ACTR3C: variants seen among roughly 807,000 people sequenced by gnomAD.
ACTR3C encodes the protein actin-related protein 3C.
A neutral mutation model predicts 26.3 loss-of-function variants in ACTR3C; 18 were observed. The ratio of observed to expected loss-of-function variants is 0.68; its 90% CI spans 0.47 to 1.01. The LOEUF (loss-of-function observed/expected upper bound fraction) is 1.01, where lower values mean the gene tolerates loss of function less well. Among genes scored for constraint, ACTR3C ranks in the 50% least tolerant of loss-of-function variants. The probability of loss-of-function intolerance (pLI) is 0.00; values close to 1 mark genes in which losing one functional copy is unlikely to be tolerated. For missense variants in ACTR3C, 184 were observed against 250.7 expected (o/e 0.73, Z 1.80); for synonymous variants, 55 against 94.5 (o/e 0.58, Z 2.42).
At chr7:149,893,808 G>C in the ACTR3C span, among the ~76,000 whole-genome samples, 1 of 152,178 alleles carries the variant, frequency 6.6e-6, no homozygotes, top group Non-Finnish European at 1.5e-5. Flanking sequence ...CTATACAAAT[G>C]TAAGTGCTAG....
intron 1 of ACTR3C, among the ~76,000 whole-genome samples, chr7:150,312,729 C>G (rs975565184): frequency 1.3e-5 from 2 of 152,148 alleles, no homozygotes; most frequent in Non-Finnish European, 2.9e-5. Context: ...TGAGAAACAT[C>G]GCCCCTACCC....
the ACTR3C span, among the ~76,000 whole-genome samples, chr7:150,162,879 C>A: frequency 6.6e-6 from 1 of 152,086 alleles, no homozygotes; most frequent in Admixed American, 6.6e-5. Flanking sequence ...GGGTGGGGCA[C>A]TGTGGCTCAT....
the ACTR3C span, among the ~76,000 whole-genome samples, chr7:150,143,803 C>A: frequency 4.6e-5 from 7 of 152,360 alleles, no homozygotes; most frequent in South Asian, 6.2e-4. Flanking sequence ...TTCATCCCCC[C>A]GCTTAGAGCT....
chr7:149,939,026 G>A, the ACTR3C span, among the ~76,000 whole-genome samples: 3 of 150,860 alleles, frequency 2.0e-5, no homozygotes, highest in Non-Finnish European at 4.4e-5. Context: ...TGTTGCCCAG[G>A]CTGGAGTGCA....
chr7:150,188,541 C>T, the ACTR3C span, among the ~76,000 whole-genome samples: 1 of 151,420 alleles, frequency 6.6e-6, no homozygotes, highest in Non-Finnish European at 1.5e-5. Context: ...AAACTGTTTT[C>T]CAAAGTAGCT....
chr7:150,260,557 T>C (rs1270667451), intron 6 of ACTR3C, among the ~76,000 whole-genome samples: 1 of 152,246 alleles, frequency 6.6e-6, no homozygotes, highest in Admixed American at 6.5e-5. Context: ...TTTCAATTAA[T>C]ATCAATCAAA....
the ACTR3C span, among the ~76,000 whole-genome samples, chr7:150,085,653 C>A: frequency 1.3e-5 from 2 of 152,090 alleles, no homozygotes. Context: ...ATTTAATGAA[C>A]TTCAAGTGCC....
At chr7:150,208,711 C>A in the ACTR3C span, among the ~76,000 whole-genome samples, 915 of 152,100 alleles carry the variant, frequency 6.0e-3, 35 homozygotes, top group Non-Finnish European at 1.5e-3. Flanking sequence ...TAGGAATATT[C>A]GAATATCCAG....
downstream of ACTR3C, among the ~76,000 whole-genome samples, chr7:150,240,886 A>G (rs1385503595): frequency 1.3e-5 from 2 of 152,350 alleles, no homozygotes; most frequent in East Asian, 1.9e-4. Context: ...CACAAAAATC[A>G]ATTTTTATCT....
At chr7:150,076,007 C>A in the ACTR3C span, among the ~76,000 whole-genome samples, 2 of 152,100 alleles carry the variant, frequency 1.3e-5, no homozygotes, top group East Asian at 1.9e-4. Context: ...AACATATGCA[C>A]GTTAAAGGGA....
At chr7:150,122,156 G>A in the ACTR3C span, among the ~76,000 whole-genome samples, 1 of 152,168 alleles carries the variant, frequency 6.6e-6, no homozygotes, top group African/African-American at 2.4e-5. Context: ...TACCATTCAT[G>A]ACATAGGCAT....
chr7:150,236,367 A>G, the ACTR3C span, among the ~76,000 whole-genome samples: 1 of 152,208 alleles, frequency 6.6e-6, no homozygotes, highest in Non-Finnish European at 1.5e-5. Flanking sequence ...GTTTCTGCCC[A>G]ACACTCATAC....
At chr7:149,882,532 G>T in the ACTR3C span, among the ~76,000 whole-genome samples, 1 of 152,252 alleles carries the variant, frequency 6.6e-6, no homozygotes, top group Non-Finnish European at 1.5e-5. Flanking sequence ...CGGGAGAGAG[G>T]AGAGGGTCCC....
chr7:149,954,010 C>T, the ACTR3C span, among the ~76,000 whole-genome samples: 2 of 140,064 alleles, frequency 1.4e-5, no homozygotes, highest in Non-Finnish European at 3.1e-5. Flanking sequence ...GCTACCATGC[C>T]GAGAGCAGAT....
the ACTR3C span, among the ~76,000 whole-genome samples, chr7:150,081,788 A>AGTTGTACATTGTGT: frequency 6.6e-6 from 1 of 151,266 alleles, no homozygotes; most frequent in East Asian, 1.9e-4. Flanking sequence ...TTGTGGTAGA[A>AGTTGTACATTGTGT]ATGCCATTAC....
At position 150,274,661 on chromosome 7, in the gene ACTR3C, G is replaced by A. The variant is rs1834716354; in HGVS notation, c.564+10092C>T. Among the ~76,000 whole-genome samples, 1 of 152,248 alleles carries A rather than the reference G, an allele frequency of 6.6e-6. No homozygotes were observed. The highest frequency in any genetic ancestry group is 1.5e-5 in the Non-Finnish European group (1 of 68,046). On this transcript the variant is annotated intron_variant, in intron 6 of 7. Coordinates refer to ENST00000683684, the MANE Select transcript of ACTR3C (RefSeq NM_001164458.2). This position sits in a 1 kb window ranked among gnomAD's most constrained non-coding sequence, Gnocchi z 4.1. The stretch of plus-strand genomic sequence containing the variant: ...CCTGCACCTGAGGACGCAGGGGCTG[G>A]GGAATGAGTGCAGTCACGATGCTAG...
chr7:150,271,270 C>G (rs999852126), intron 6 of ACTR3C, among the ~76,000 whole-genome samples: 3 of 146,250 alleles, frequency 2.1e-5, no homozygotes, highest in African/African-American at 8.1e-5. Flanking sequence ...ACACGTGCCA[C>G]GGTGGTTTGC....
the ACTR3C span, among the ~76,000 whole-genome samples, chr7:150,144,938 T>TA: frequency 6.6e-6 from 1 of 151,034 alleles, no homozygotes. This position sits in a 1 kb window ranked among gnomAD's most constrained non-coding sequence, Gnocchi z 4.6. Context: ...TAGTCCCAGC[T>TA]ACTAGGACGG....
the ACTR3C span, among the ~76,000 whole-genome samples, chr7:150,135,876 A>AG: frequency 2.0e-5 from 3 of 151,374 alleles, no homozygotes; most frequent in Non-Finnish European, 4.4e-5. Context: ...GAAAAGGAAA[A>AG]GAAAAGAAAA....
Sources: gnomAD v4.1 joint callset for allele counts (sites outside exome capture counted in the v4.1 genomes callset) on GRCh38, gnomAD v4.1.1 for gene constraint, Gnocchi (gnomAD v3.1) non-coding constraint, MANE v1.5 for transcripts, NCBI Gene and HGNC (gene_info 2026-07-23, HGNC 2026-07-21) for gene names.